Variants in ARL5A observed in about 807,000 individuals in gnomAD.
ARL5A encodes ARF like GTPase 5A, also known as ADP-ribosylation factor-like protein 5A.
ARL5A carries 18 observed loss-of-function variants against 25.9 expected under a neutral mutation model. That is an observed-to-expected ratio of 0.69 (90% CI 0.48 to 1.03). The LOEUF (loss-of-function observed/expected upper bound fraction) is 1.03, where lower values mean the gene tolerates loss of function less well. Ranked by LOEUF, ARL5A falls within the 50% of genes least tolerant of loss-of-function variation. The pLI is 0.00. For missense variants in ARL5A, 170 were observed against 211.9 expected (o/e 0.80, Z 1.23); for synonymous variants, 61 against 67.5 (o/e 0.90, Z 0.47).
At chr2:151,811,713 A>T (rs576615781) in intron 4 of ARL5A, among the ~76,000 whole-genome samples, 182 of 152,304 alleles carry the variant, frequency 1.2e-3, no homozygotes, top group African/African-American at 4.1e-3. Flanking sequence ...CTGGGACTAC[A>T]GGTGCATGCC....
chr2:151,813,231 T>C (rs527392289), intron 3 of ARL5A, among the ~76,000 whole-genome samples: 21 of 152,348 alleles, frequency 1.4e-4, no homozygotes, highest in African/African-American at 4.6e-4. Flanking sequence ...AATAAATTAT[T>C]ATGATTTTCT....
chr2:151,813,375 T>C (rs1236789344), intron 3 of ARL5A, among the ~76,000 whole-genome samples: 1 of 152,188 alleles, frequency 6.6e-6, no homozygotes, highest in African/African-American at 2.4e-5. Flanking sequence ...TATTCCAAGG[T>C]ATTTTAATAA....
chr2:151,827,232 T>C lies in ARL5A; in HGVS notation c.46+899A>G, dbSNP rs12619200. Among the ~76,000 whole-genome samples the C allele has an allele frequency of 6.7e-4, 102 of 152,264 alleles. No homozygotes were observed. The East Asian group carries it at 0.016, about 24-fold the overall frequency. On this transcript the variant is annotated intron_variant, in intron 1 of 5. Coordinates refer to ENST00000295087, the MANE Select transcript of ARL5A (RefSeq NM_012097.4). Reference sequence around the variant, plus strand: ...TCTTAATAAGTATCCAGTCTTTGGGTTAAAATTGTATTCTCTTTCCCCAGT... The same window carrying C: ...TCTTAATAAGTATCCAGTCTTTGGGCTAAAATTGTATTCTCTTTCCCCAGT...
At position 151,798,972 on chromosome 2, in the gene ARL5A, T is replaced by C. The variant is rs1300182597; in HGVS notation, c.*4304A>G. 1 of 152,150 alleles carries C rather than the reference T, an allele frequency of 6.6e-6. No individual in the cohort carries two copies. The highest frequency in any genetic ancestry group is 2.4e-5 in the African/African-American group (1 of 41,438). The allele number at this position is 152,150 out of a possible 1,614,324, so 9.4% of individuals were successfully genotyped here. Reference sequence around the variant, plus strand: ...CAGAACAATACACAAGGGCTAGACATTGATAAGAAATACTGCATAACTAAT... The same window carrying C: ...CAGAACAATACACAAGGGCTAGACACTGATAAGAAATACTGCATAACTAAT... On this transcript the variant is annotated 3_prime_UTR_variant, in exon 6 of 6. Transcript: ENST00000295087.
chr2:151,806,808 G>C lies in ARL5A; in HGVS notation c.491+13C>G. On this transcript the variant is annotated intron_variant, in intron 5 of 5. Transcript: ENST00000295087. ...ATAAATGTTCGATAACATTTAAGAG[G>C]AAGATGTCTTACCCCTCGCCAGTTA... 6.3e-7 allele frequency: 1 copy of C among 1,589,724 alleles called. No individual in the cohort carries two copies. The highest frequency in any genetic ancestry group is 2.2e-5 in the East Asian group (1 of 44,694).
chr2:151,814,731 T>A (rs555403001), intron 2 of ARL5A, among the ~76,000 whole-genome samples: 143 of 151,814 alleles, frequency 9.4e-4, no homozygotes, highest in African/African-American at 3.1e-3. Flanking sequence ...AATTTTAAAA[T>A]ATATATATAT....
chr2:151,810,892 C>T (rs929766875), intron 4 of ARL5A, among the ~76,000 whole-genome samples: 4 of 151,948 alleles, frequency 2.6e-5, no homozygotes, highest in Non-Finnish European at 5.9e-5. Context: ...TAAAACCACC[C>T]TTTGGAATAA....
At position 151,828,352 on chromosome 2, in the gene ARL5A, G is replaced by T. The variant is rs996060416; in HGVS notation, c.-176C>A. ...AGGCCGAAGCCCAGGCCGCCCTGCC[G>T]CGCGCAAGGCCCCGCCGCTGCCGCC... is the stretch of plus-strand genomic sequence containing the variant. On this transcript the variant is annotated 5_prime_UTR_variant, in exon 1 of 6. Coordinates refer to ENST00000295087, the MANE Select transcript of ARL5A (RefSeq NM_012097.4). 8 of 510,566 alleles carry T rather than the reference G, an allele frequency of 1.6e-5. No homozygotes were observed. The highest frequency in any genetic ancestry group is 2.7e-5 in the Non-Finnish European group (8 of 298,274). 31.6% of individuals were successfully genotyped at this position (510,566 alleles called of 1,614,324 possible).
chr2:151,828,198 C>T lies in ARL5A; in HGVS notation c.-22G>A, dbSNP rs201640334. 3.7e-6 allele frequency: 6 copies of T among 1,600,546 alleles called. No individual in the cohort carries two copies. Among genetic ancestry groups the T allele is most frequent in the South Asian group, 3.3e-5 (3 of 90,318 alleles). On this transcript the variant is annotated 5_prime_UTR_variant, in exon 1 of 6. Transcript: ENST00000295087. ...CCATTCTCGGGCAGCGGACCCCCCC[C>T]CTCCAGACACCCGGGCCGCCTGGCT...
chr2:151,805,509 T>C (rs1392085008), intron 5 of ARL5A, among the ~76,000 whole-genome samples: 1 of 152,228 alleles, frequency 6.6e-6, no homozygotes, highest in Non-Finnish European at 1.5e-5. Flanking sequence ...TCATGCATCA[T>C]TTAATGACAG....
At chr2:151,822,571 T>G (rs927930735) in intron 1 of ARL5A, among the ~76,000 whole-genome samples, 1 of 152,224 alleles carries the variant, frequency 6.6e-6, no homozygotes, top group Non-Finnish European at 1.5e-5. Flanking sequence ...AGCCAAAAAG[T>G]GCTATAATGC....
rs1385850854 is a variant in ARL5A at position 151,828,320 on chromosome 2, C to T, written c.-144G>A. The T allele has an allele frequency of 1.5e-6, 1 of 687,264 alleles. No homozygotes were observed. The highest frequency in any genetic ancestry group is 1.9e-5 in the African/African-American group (1 of 51,632). The allele number at this position is 687,264 out of a possible 1,614,324, so 42.6% of individuals were successfully genotyped here. On this transcript the variant is annotated 5_prime_UTR_variant, in exon 1 of 6. Transcript: ENST00000295087. ...GGTCGCGGGCCCGCTTCCAGGGAAC[C>T]GGAGGGAGGCCGAAGCCCAGGCCGC...
At chr2:151,809,264 G>A (rs2099830503) in intron 4 of ARL5A, among the ~76,000 whole-genome samples, 1 of 152,074 alleles carries the variant, frequency 6.6e-6, no homozygotes, top group Non-Finnish European at 1.5e-5. Flanking sequence ...AGGACACACG[G>A]TTTATATTAT....
At chr2:151,825,397 A>G (rs893719721) in intron 1 of ARL5A, among the ~76,000 whole-genome samples, 65 of 152,176 alleles carry the variant, frequency 4.3e-4, no homozygotes, top group Middle Eastern at 3.4e-3. Flanking sequence ...TGGCCTGGGG[A>G]AAAAAAATCA....
At chr2:151,806,782 A>C (rs1214223715) in intron 5 of ARL5A, 39 bp downstream of exon 5, 2 of 1,571,646 alleles carry the variant, frequency 1.3e-6, no homozygotes, top group Admixed American at 1.9e-5. Flanking sequence ...TACTAAGCAA[A>C]ATAAATGTTC....
At chr2:151,817,332 A>G (rs2099831650) in intron 1 of ARL5A, among the ~76,000 whole-genome samples, 2 of 152,264 alleles carry the variant, frequency 1.3e-5, no homozygotes, top group South Asian at 4.1e-4. Flanking sequence ...TATAGAATAC[A>G]TATTAATCAT....
Position 151,828,198 on chromosome 2 carries a change from C to G in ARL5A, c.-22G>C, listed in dbSNP as rs201640334. 8.3e-5 allele frequency: 133 copies of G among 1,600,546 alleles called. 1 individual carries two copies. In the East Asian group the frequency reaches 1.3e-3, roughly 16 times the overall value. On this transcript the variant is annotated 5_prime_UTR_variant, in exon 1 of 6. Transcript: ENST00000295087. ...CCATTCTCGGGCAGCGGACCCCCCC[C>G]CTCCAGACACCCGGGCCGCCTGGCT...
chr2:151,813,053 C>A (rs1016059622), intron 3 of ARL5A, among the ~76,000 whole-genome samples: 2 of 152,096 alleles, frequency 1.3e-5, no homozygotes, highest in Non-Finnish European at 2.9e-5. Context: ...CTGAGCTCCA[C>A]CCCAGCTCTT....
chr2:151,806,196 G>A (rs2099830087), intron 5 of ARL5A, among the ~76,000 whole-genome samples: 1 of 152,124 alleles, frequency 6.6e-6, no homozygotes, highest in African/African-American at 2.4e-5. Flanking sequence ...ATCTCTGGGT[G>A]CTAGACAGGG....
Sources: allele counts gnomAD v4.1 joint callset (sites outside exome capture counted in the v4.1 genomes callset), GRCh38; gene constraint gnomAD v4.1.1; transcripts MANE v1.5; gene names NCBI Gene and HGNC (gene_info 2026-07-23, HGNC 2026-07-21).